The following MRPS18A variants were observed in gnomAD, a reference collection of about 807,000 sequenced individuals.
MRPS18A encodes large ribosomal subunit protein mL66.
MRPS18A carries 20 observed loss-of-function variants against 22.7 expected under a neutral mutation model. The ratio of observed to expected loss-of-function variants is 0.88; its 90% CI spans 0.62 to 1.28. The LOEUF (loss-of-function observed/expected upper bound fraction) is 1.28, where lower values mean the gene tolerates loss of function less well. Among genes scored for constraint, MRPS18A ranks in the 50% most tolerant of loss-of-function variants. MRPS18A has a pLI of 0.00. For missense variants in MRPS18A, 294 were observed against 262.6 expected (o/e 1.12, Z -0.83); for synonymous variants, 106 against 99.1 (o/e 1.07, Z -0.41).
chr6:43,684,002 G>A (rs949838422), intron 1 of MRPS18A, among the ~76,000 whole-genome samples: 2 of 152,124 alleles, frequency 1.3e-5, no homozygotes, highest in Admixed American at 1.3e-4. Context: ...TGCAGTGAAT[G>A]CAAAAGGAGG....
At chr6:43,676,284 T>A (rs746674662) in intron 3 of MRPS18A, among the ~76,000 whole-genome samples, 5 of 152,212 alleles carry the variant, frequency 3.3e-5, no homozygotes, top group Non-Finnish European at 7.3e-5. Context: ...ACATGCCATA[T>A]GTTTCCACAC....
At chr6:43,678,871 C>CT (rs1774219454) in intron 2 of MRPS18A, among the ~76,000 whole-genome samples, 1 of 152,078 alleles carries the variant, frequency 6.6e-6, no homozygotes, top group Non-Finnish European at 1.5e-5. Context: ...ACCATCTGAA[C>CT]TTAATACCAG....
At chr6:43,683,450 T>A (rs1335215303) in intron 1 of MRPS18A, among the ~76,000 whole-genome samples, 5 of 152,124 alleles carry the variant, frequency 3.3e-5, no homozygotes, top group Non-Finnish European at 1.5e-5. Flanking sequence ...TAGTATTGAT[T>A]TACAGGGTGC....
chr6:43,681,614 C>A (rs1357952908), intron 1 of MRPS18A, among the ~76,000 whole-genome samples: 3 of 152,204 alleles, frequency 2.0e-5, no homozygotes, highest in Non-Finnish European at 4.4e-5. Context: ...AGTGGCACCC[C>A]AGTGAATGAG....
At chr6:43,675,145 C>T (rs1773979970) in intron 5 of MRPS18A, 57 bp downstream of exon 5, 3 of 1,401,084 alleles carry the variant, frequency 2.1e-6, no homozygotes, top group East Asian at 2.4e-5. Context: ...AGCCAAGGTG[C>T]ACCCTAGTTT....
rs149334831 is a variant in MRPS18A at position 43,675,247 on chromosome 6, C to T, written c.401G>A (p.Arg134Gln). The change falls in exon 5 of 6, where the codon CGG becomes CAG. Residue 134 changes from arginine (R) to glutamine (Q), a missense_variant. By Grantham distance (43) the Arg-to-Gln change is conservative (BLOSUM62 1). Coordinates refer to ENST00000372133, the MANE Select transcript of MRPS18A (RefSeq NM_018135.4). ...CTTCGGAACAACTCCTTCAGGAAGC[C>T]GAGGCCTGTGATTTGGTAATAGACC... is the stretch of plus-strand genomic sequence containing the variant. ...RAGLLPNHRPRLPEGVVPKSK... is the reference protein window; with the variant it reads ...RAGLLPNHRPQLPEGVVPKSK... 2.8e-5 allele frequency: 43 copies of T among 1,525,248 alleles called. No homozygotes were observed. In the Middle Eastern group the frequency reaches 7.1e-4, roughly 25 times the overall value. 94.5% of individuals were successfully genotyped at this position (1,525,248 alleles called of 1,614,324 possible). A position where few individuals can be genotyped will look rare whatever the true frequency, so the allele number is the denominator to read the frequency against.
chr6:43,676,393 G>T (rs1423783468), intron 3 of MRPS18A, among the ~76,000 whole-genome samples: 1 of 152,118 alleles, frequency 6.6e-6, no homozygotes, highest in Non-Finnish European at 1.5e-5. Flanking sequence ...TCCCTCTGAA[G>T]TGCGAGGAAG....
intron 5 of MRPS18A, 102 bp downstream of exon 5, chr6:43,675,100 G>A: frequency 7.8e-6 from 8 of 1,023,138 alleles, no homozygotes; most frequent in Non-Finnish European, 1.1e-5. Context: ...GACTGATGGG[G>A]GTGGATGCTT....
chr6:43,687,615 C>G (rs1774788553), intron 1 of MRPS18A, 53 bp downstream of exon 1: 9 of 1,424,772 alleles, frequency 6.3e-6, no homozygotes, highest in Non-Finnish European at 8.7e-6. Flanking sequence ...CTGGCGGAAG[C>G]AGTCTCTGCC....
chr6:43,679,819 AC>A, intron 2 of MRPS18A, among the ~76,000 whole-genome samples: 1 of 151,586 alleles, frequency 6.6e-6, no homozygotes, highest in East Asian at 1.9e-4. Context: ...TCGCAAGTAC[AC>A]GGTAGGCCTT....
chr6:43,679,858 T>C (rs1271613313), intron 2 of MRPS18A, among the ~76,000 whole-genome samples: 1 of 151,876 alleles, frequency 6.6e-6, no homozygotes, highest in Non-Finnish European at 1.5e-5. Flanking sequence ...GGGTTGGGGG[T>C]TGGGGGTGGG....
At chr6:43,680,674 T>C (rs1056405707) in intron 2 of MRPS18A, among the ~76,000 whole-genome samples, 3 of 152,182 alleles carry the variant, frequency 2.0e-5, no homozygotes, top group African/African-American at 7.2e-5. Context: ...AAATGCATCA[T>C]TTAAGGAGCA....
chr6:43,683,196 C>G (rs1229089348), intron 1 of MRPS18A, among the ~76,000 whole-genome samples: 1 of 152,190 alleles, frequency 6.6e-6, no homozygotes, highest in East Asian at 1.9e-4. Context: ...CACAAACTCC[C>G]CCTCCACGCA....
chr6:43,677,762 T>TA (rs1774139843), intron 3 of MRPS18A, among the ~76,000 whole-genome samples: 1 of 152,194 alleles, frequency 6.6e-6, no homozygotes, highest in Non-Finnish European at 1.5e-5. Context: ...AACTAGTACC[T>TA]ACTTCATAGG....
chr6:43,681,065 C>CATGG, intron 2 of MRPS18A, 24 bp downstream of exon 2: 1 of 1,612,290 alleles, frequency 6.2e-7, no homozygotes, highest in South Asian at 1.1e-5. Context: ...AGAGGTTATA[C>CATGG]ATGGCCAACT....
At chr6:43,684,994 C>T (rs1419902732) in intron 1 of MRPS18A, among the ~76,000 whole-genome samples, 1 of 152,174 alleles carries the variant, frequency 6.6e-6, no homozygotes, top group Non-Finnish European at 1.5e-5. Context: ...GGCAAGTTAA[C>T]TGCTAAGAGC....
intron 3 of MRPS18A, among the ~76,000 whole-genome samples, chr6:43,677,261 C>T (rs1285728808): frequency 1.3e-5 from 2 of 152,096 alleles, no homozygotes; most frequent in South Asian, 2.1e-4. Context: ...TTACTCCAGG[C>T]GGCCATCAGG....
chr6:43,671,451 G>T lies in MRPS18A; in HGVS notation c.*311C>A. The T allele has an allele frequency of 2.2e-6, 1 of 462,126 alleles. No individual in the cohort carries two copies. The highest frequency in any genetic ancestry group is 3.9e-6 in the Non-Finnish European group (1 of 254,476). 28.6% of individuals were successfully genotyped at this position (462,126 alleles called of 1,614,324 possible). On this transcript the variant is annotated 3_prime_UTR_variant, in exon 6 of 6. Coordinates refer to ENST00000372133, the MANE Select transcript of MRPS18A (RefSeq NM_018135.4). Reference sequence around the variant, plus strand: ...CCCAAGCAGTGAGCGCACACCCAATGGGTAAGCCCATGAACCCAGTTTATG... The same window carrying T: ...CCCAAGCAGTGAGCGCACACCCAATTGGTAAGCCCATGAACCCAGTTTATG...
chr6:43,681,501 T>C (rs1195794862), intron 1 of MRPS18A, among the ~76,000 whole-genome samples: 2 of 152,232 alleles, frequency 1.3e-5, no homozygotes, highest in Non-Finnish European at 2.9e-5. Context: ...CCTTCAAAAG[T>C]ACGCAGGCGG....
Sources: allele counts gnomAD v4.1 joint callset (sites outside exome capture counted in the v4.1 genomes callset), GRCh38; gene constraint gnomAD v4.1.1; transcripts MANE v1.5; gene names NCBI Gene and HGNC (gene_info 2026-07-23, HGNC 2026-07-21).